ALDH7A1: variants seen among roughly 807,000 people sequenced by gnomAD.
ALDH7A1 encodes alpha-aminoadipic semialdehyde dehydrogenase.
A neutral mutation model predicts 79.9 loss-of-function variants in ALDH7A1; 63 were observed. The ratio of observed to expected loss-of-function variants is 0.79; its 90% CI spans 0.64 to 0.97. The LOEUF is 0.97. Among genes scored for constraint, ALDH7A1 ranks in the 50% least tolerant of loss-of-function variants. ALDH7A1 has a pLI of 0.00. For missense variants in ALDH7A1, 627 were observed against 665.2 expected (o/e 0.94, Z 0.63); for synonymous variants, 240 against 231.2 (o/e 1.04, Z -0.34).
At chr5:126,548,035 G>A (rs1749851044) in intron 16 of ALDH7A1, among the ~76,000 whole-genome samples, 2 of 150,328 alleles carry the variant, frequency 1.3e-5, no homozygotes, top group Non-Finnish European at 1.5e-5. Flanking sequence ...ATAGGCAACA[G>A]AGCAAGATTC....
intron 13 of ALDH7A1, among the ~76,000 whole-genome samples, chr5:126,553,883 G>A (rs1406684100): frequency 6.6e-6 from 1 of 151,980 alleles, no homozygotes; most frequent in Non-Finnish European, 1.5e-5. Context: ...CAGGGTGGGT[G>A]GATCACTTGA....
intron 9 of ALDH7A1, among the ~76,000 whole-genome samples, chr5:126,566,005 A>G (rs564083875): frequency 1.3e-5 from 2 of 152,294 alleles, no homozygotes; most frequent in South Asian, 4.1e-4. Flanking sequence ...AAATTTTTTG[A>G]CTGAGAAGTG....
At chr5:126,594,946 C>A in intron 1 of ALDH7A1, 61 bp downstream of exon 1, 3 of 1,548,714 alleles carry the variant, frequency 1.9e-6, no homozygotes, top group Non-Finnish European at 2.6e-6. Context: ...TAGGTCAGTG[C>A]CCGCCCGGCC....
chr5:126,565,054 G>A (rs1201817680), intron 9 of ALDH7A1, among the ~76,000 whole-genome samples: 1 of 152,122 alleles, frequency 6.6e-6, no homozygotes, highest in African/African-American at 2.4e-5. Context: ...CTGCTCGTGG[G>A]ACTAATGATG....
intron 11 of ALDH7A1, among the ~76,000 whole-genome samples, chr5:126,556,637 G>GT (rs1750204655): frequency 6.6e-6 from 1 of 152,168 alleles, no homozygotes; most frequent in Non-Finnish European, 1.5e-5. Flanking sequence ...GTCCCATACT[G>GT]TAACCCTAAG....
At chr5:126,567,041 T>TA (rs1750606885) in intron 9 of ALDH7A1, among the ~76,000 whole-genome samples, 1 of 152,246 alleles carries the variant, frequency 6.6e-6, no homozygotes, top group South Asian at 2.1e-4. Flanking sequence ...GGCATGCTTA[T>TA]ACTGGTCCAA....
intron 7 of ALDH7A1, among the ~76,000 whole-genome samples, chr5:126,571,700 G>A (rs536258746): frequency 2.0e-5 from 3 of 151,844 alleles, no homozygotes; most frequent in South Asian, 4.2e-4. Flanking sequence ...GATTAAAAAG[G>A]AATAAGACCT....
At chr5:126,562,640 G>C (rs540688744) in intron 9 of ALDH7A1, among the ~76,000 whole-genome samples, 1 of 152,204 alleles carries the variant, frequency 6.6e-6, no homozygotes, top group South Asian at 2.1e-4. Flanking sequence ...AAAAGGTCAA[G>C]AGATCAAGAC....
chr5:126,589,510 G>A (rs1751469675), intron 3 of ALDH7A1, among the ~76,000 whole-genome samples: 1 of 151,908 alleles, frequency 6.6e-6, no homozygotes. Flanking sequence ...GCCAGGTGAA[G>A]TGGCTAACGC....
chr5:126,568,205 TTTCACCTCCATATTTGA>T, intron 9 of ALDH7A1, 37 bp downstream of exon 9: 1 of 1,566,548 alleles, frequency 6.4e-7, no homozygotes, highest in Non-Finnish European at 8.8e-7. Flanking sequence ...AACTTTTAGA[TTTCACCTCCATATTTGA>T]GAGAATTAAA....
At chr5:126,573,265 T>C (rs1437003634) in intron 7 of ALDH7A1, among the ~76,000 whole-genome samples, 1 of 150,640 alleles carries the variant, frequency 6.6e-6, no homozygotes, top group Non-Finnish European at 1.5e-5. Context: ...GTTTGTTTTT[T>C]AGGTTTATTT....
Position 126,555,914 on chromosome 5 carries a change from CAGA to C in ALDH7A1, c.1093+14_1093+16del, listed in dbSNP as rs1750178513. 1.3e-6 allele frequency: 2 copies of C among 1,598,246 alleles called. No homozygotes were observed. The highest frequency in any genetic ancestry group is 1.3e-5 in the African/African-American group (1 of 74,612). ...TCTCAAAAAGGGATCGCTTTGAAAG[CAGA>C]AGGAGATACTCACGGTCCCATGGGT... On this transcript the variant is annotated intron_variant, in intron 12 of 17. Coordinates refer to ENST00000409134, the MANE Select transcript of ALDH7A1 (RefSeq NM_001182.5).
At chr5:126,560,498 C>G (rs935165652) in intron 10 of ALDH7A1, among the ~76,000 whole-genome samples, 1 of 152,096 alleles carries the variant, frequency 6.6e-6, no homozygotes, top group African/African-American at 2.4e-5. Context: ...CCAGAACAAA[C>G]ACTTCACCAT....
intron 5 of ALDH7A1, among the ~76,000 whole-genome samples, chr5:126,580,536 C>T (rs1268001402): frequency 6.6e-6 from 1 of 152,114 alleles, no homozygotes; most frequent in Non-Finnish European, 1.5e-5. Context: ...ACTCCCCCAA[C>T]TCTTTCTACA....
chr5:126,555,909 G>C, intron 12 of ALDH7A1, 22 bp downstream of exon 12: 1 of 1,585,652 alleles, frequency 6.3e-7, no homozygotes, highest in African/African-American at 1.3e-5. Flanking sequence ...GGATCGCTTT[G>C]AAAGCAGAAG....
intron 9 of ALDH7A1, chr5:126,561,483 A>AGTGT (rs57059063): frequency 3.2e-4 from 49 of 154,960 alleles, no homozygotes; most frequent in Middle Eastern, 3.3e-3. Context: ...GCACCCACAG[A>AGTGT]GTGTGTGTGT....
At chr5:126,576,365 T>A (rs1308204640) in intron 6 of ALDH7A1, among the ~76,000 whole-genome samples, 1 of 152,022 alleles carries the variant, frequency 6.6e-6, no homozygotes, top group Admixed American at 6.6e-5. Context: ...TATTTTACAG[T>A]TAGTTTTTGA....
intron 5 of ALDH7A1, among the ~76,000 whole-genome samples, chr5:126,580,826 A>AT (rs34575294): frequency 0.12 from 16,960 of 138,780 alleles, 1,062 homozygotes; most frequent in African/African-American, 0.18. Flanking sequence ...TCTTAACCTC[A>AT]TTTTTTTTTT....
Position 126,575,470 on chromosome 5 carries a change from G to C in ALDH7A1, c.651-6C>G. 2 of 1,611,108 alleles carry C rather than the reference G, an allele frequency of 1.2e-6. No individual in the cohort carries two copies. Among genetic ancestry groups the C allele is most frequent in the Non-Finnish European group, 1.7e-6 (2 of 1,178,942 alleles). ...AAGTGGTTGGAGCTCCTTTCCTTAA[G>C]AAGGTTAAAACAAAAAAAGAAAAAG... is the stretch of plus-strand genomic sequence containing the variant. On this transcript the variant is annotated splice_polypyrimidine_tract_variant and splice_region_variant and intron_variant, in intron 6 of 17. Transcript: ENST00000409134.
Sources: gnomAD v4.1 joint callset for allele counts (sites outside exome capture counted in the v4.1 genomes callset) on GRCh38, gnomAD v4.1.1 for gene constraint, MANE v1.5 for transcripts, NCBI Gene and HGNC (gene_info 2026-07-23, HGNC 2026-07-21) for gene names.